Variants in JMJD1C observed in about 807,000 individuals in gnomAD.
The protein encoded by JMJD1C is jumonji domain-containing protein 1C.
A neutral mutation model predicts 245.3 loss-of-function variants in JMJD1C; 31 were observed. The ratio of observed to expected loss-of-function variants is 0.13; its 90% CI spans 0.09 to 0.17. The LOEUF (loss-of-function observed/expected upper bound fraction) is 0.17. Among genes scored for constraint, JMJD1C ranks in the 10% least tolerant of loss-of-function variants. JMJD1C has a pLI of 1.00. For synonymous variants in JMJD1C, 1,057 were observed against 1,017.4 expected (o/e 1.04, Z -0.74); for missense variants, 2,691 against 3,000.2 (o/e 0.90, Z 2.41).
At chr10:63,333,015 ATTGTT>A (rs1249648098) in intron 2 of JMJD1C, among the ~76,000 whole-genome samples, 1 of 152,196 alleles carries the variant, frequency 6.6e-6, no homozygotes, top group African/African-American at 2.4e-5. Flanking sequence ...TTCTATCAGC[ATTGTT>A]TAAGCTTAAT....
Position 63,269,226 on chromosome 10 carries a change from C to G in JMJD1C, c.334-4462G>C, listed in dbSNP as rs1414493122. On this transcript the variant is annotated intron_variant, in intron 2 of 25. Coordinates refer to ENST00000399262, the MANE Select transcript of JMJD1C (RefSeq NM_032776.3). ...GCAGACACCCAAATGAGAACGAGTA[C>G]TTGGCTTAGGGCACACTGAGAGAAG... 3 of 985,222 alleles carry G rather than the reference C, an allele frequency of 3.0e-6. No individual in the cohort carries two copies. The African/African-American group carries it at 5.2e-5, about 17-fold the overall frequency. 61.0% of individuals were successfully genotyped at this position (985,222 alleles called of 1,614,324 possible).
At chr10:63,380,198 C>T in intron 2 of JMJD1C, 120 bp downstream of exon 2, 1 of 969,622 alleles carries the variant, frequency 1.0e-6, no homozygotes, top group Admixed American at 1.8e-5. Flanking sequence ...CCTGCTTCAG[C>T]CTCTCAAAGT....
chr10:63,387,510 C>T (rs1469791931), intron 1 of JMJD1C, among the ~76,000 whole-genome samples: 1 of 149,468 alleles, frequency 6.7e-6, no homozygotes, highest in Non-Finnish European at 1.5e-5. Flanking sequence ...CTGATGTATT[C>T]ATCGAATCAA....
upstream of JMJD1C, among the ~76,000 whole-genome samples, chr10:63,468,705 T>C (rs904835905): frequency 6.6e-6 from 1 of 152,252 alleles, no homozygotes; most frequent in Non-Finnish European, 1.5e-5. Flanking sequence ...CCATTAAATA[T>C]GCCTATGCAC....
intron 1 of JMJD1C, among the ~76,000 whole-genome samples, chr10:63,518,844 A>C: frequency 6.6e-6 from 1 of 152,186 alleles, no homozygotes; most frequent in East Asian, 1.9e-4. Context: ...TTGGAGGGCA[A>C]CACCAAGCTG....
At chr10:63,400,867 C>G (rs563846314) in intron 1 of JMJD1C, among the ~76,000 whole-genome samples, 13 of 151,936 alleles carry the variant, frequency 8.6e-5, no homozygotes, top group Non-Finnish European at 1.5e-4. Context: ...CCACCACATC[C>G]AGCCCTTTTT....
intron 2 of JMJD1C, among the ~76,000 whole-genome samples, chr10:63,310,285 T>C (rs139876010): frequency 1.1e-3 from 163 of 152,328 alleles, no homozygotes; most frequent in African/African-American, 3.8e-3. Context: ...TTCCTTCTTT[T>C]ATGTATTAAG....
chr10:63,278,497 C>A (rs1037715438), intron 2 of JMJD1C, among the ~76,000 whole-genome samples: 1 of 151,246 alleles, frequency 6.6e-6, no homozygotes, highest in Non-Finnish European at 1.5e-5. Flanking sequence ...GCACTCTGGC[C>A]TGGGCGACAG....
chr10:63,207,371 A>G lies in JMJD1C; in HGVS notation c.4298T>C (p.Val1433Ala). ...TGGCTGACTGACACTTTTTGAAGAT[A>G]CACATTCTGATGATGTAGAGGCCAA... ...TILASTSSEC[V>A]SSKSVSQPVA... The change falls in exon 10 of 26, where the codon GTA becomes GCA. Residue 1433 changes from valine (V) to alanine (A), a missense_variant. Around this residue, in one of 9 missense-constraint regions of JMJD1C, gnomAD observed 1,562 missense variants for 1,490.7 expected, o/e 1.05. Transcript: ENST00000399262. 1 of 1,614,044 alleles carries G rather than the reference A, an allele frequency of 6.2e-7. No individual in the cohort carries two copies. Among genetic ancestry groups the G allele is most frequent in the South Asian group, 1.1e-5 (1 of 91,082 alleles).
At chr10:63,180,304 A>T (rs777414452) in intron 22 of JMJD1C, among the ~76,000 whole-genome samples, 13 of 152,020 alleles carry the variant, frequency 8.6e-5, no homozygotes, top group Non-Finnish European at 1.5e-4. Context: ...AGCCACTGCT[A>T]ATTGAAACAT....
chr10:63,344,529 C>A (rs1278227844), intron 2 of JMJD1C, among the ~76,000 whole-genome samples: 1 of 152,112 alleles, frequency 6.6e-6, no homozygotes, highest in Non-Finnish European at 1.5e-5. Flanking sequence ...CCTTTGTGAT[C>A]ACAGCAATGA....
chr10:63,443,435 C>T (rs1333800489), intron 1 of JMJD1C, among the ~76,000 whole-genome samples: 5 of 152,146 alleles, frequency 3.3e-5, no homozygotes, highest in African/African-American at 1.2e-4. Flanking sequence ...CTCAGCCTCC[C>T]GAGTAGCTGG....
chr10:63,445,080 A>G (rs1276593439), intron 1 of JMJD1C, among the ~76,000 whole-genome samples: 1 of 152,076 alleles, frequency 6.6e-6, no homozygotes, highest in Non-Finnish European at 1.5e-5. Flanking sequence ...ACAATTAAAA[A>G]AAATTAGCTG....
At chr10:63,350,613 C>A (rs1944269742) in intron 2 of JMJD1C, among the ~76,000 whole-genome samples, 1 of 120,602 alleles carries the variant, frequency 8.3e-6, no homozygotes. Context: ...GCTGCAGAAC[C>A]AACTTTTTTT....
At chr10:63,482,685 T>G (rs558237655) in intron 1 of JMJD1C, among the ~76,000 whole-genome samples, 1 of 152,082 alleles carries the variant, frequency 6.6e-6, no homozygotes, top group East Asian at 1.9e-4. Flanking sequence ...TTGAGCTACA[T>G]TGCCTGACTT....
chr10:63,392,824 CAAAAAA>C (rs991038264), intron 1 of JMJD1C, among the ~76,000 whole-genome samples: 15 of 28,812 alleles, frequency 5.2e-4, no homozygotes, highest in African/African-American at 2.5e-3. Flanking sequence ...ACTTCGTCTC[CAAAAAA>C]AAAAAAAAAA....
At chr10:63,357,314 T>C (rs181730797) in intron 2 of JMJD1C, among the ~76,000 whole-genome samples, 7 of 152,076 alleles carry the variant, frequency 4.6e-5, no homozygotes, top group African/African-American at 1.7e-4. Flanking sequence ...TCAGATGTGT[T>C]TGTTTATTTG....
intron 11 of JMJD1C, 99 bp downstream of exon 11, chr10:63,200,377 T>TCAAA: frequency 1.2e-6 from 1 of 836,544 alleles, no homozygotes; most frequent in Non-Finnish European, 1.9e-6. Context: ...ACTCAAAGAC[T>TCAAA]TACTCCCCCA....
chr10:63,284,032 T>C (rs1231476257), intron 2 of JMJD1C, among the ~76,000 whole-genome samples: 1 of 151,954 alleles, frequency 6.6e-6, no homozygotes, highest in African/African-American at 2.4e-5. Flanking sequence ...TTTTTTTTGT[T>C]TTTTGGGAGG....
Sources: allele counts gnomAD v4.1 joint callset (sites outside exome capture counted in the v4.1 genomes callset), GRCh38; gene constraint gnomAD v4.1.1; regional missense constraint gnomAD v4.1.1; transcripts MANE v1.5; gene names NCBI Gene and HGNC (gene_info 2026-07-23, HGNC 2026-07-21).